UBE2E2: variants seen among roughly 807,000 people sequenced by gnomAD.
UBE2E2 encodes ubiquitin conjugating enzyme E2 E2, also known as ubiquitin-conjugating enzyme E2 E2.
Under a neutral mutation model 24.7 loss-of-function variants are expected in UBE2E2, and 6 were observed. That is an observed-to-expected ratio of 0.24 (90% CI 0.13 to 0.48). UBE2E2 has a LOEUF of 0.48. Among genes scored for constraint, UBE2E2 ranks in the 20% least tolerant of loss-of-function variants. The pLI, the probability that UBE2E2 is intolerant of heterozygous loss-of-function variation, is 0.99. For missense variants in UBE2E2, 169 were observed against 245.0 expected (o/e 0.69, Z 2.07); for synonymous variants, 104 against 83.6 (o/e 1.24, Z -1.33).
chr3:23,434,174 T>G (rs1292725341), intron 3 of UBE2E2, among the ~76,000 whole-genome samples: 1 of 152,116 alleles, frequency 6.6e-6, no homozygotes, highest in Non-Finnish European at 1.5e-5. Context: ...TTATTTTTAT[T>G]ACAGGCTTTA....
At chr3:23,334,470 T>C (rs945873362) in intron 3 of UBE2E2, among the ~76,000 whole-genome samples, 1 of 152,192 alleles carries the variant, frequency 6.6e-6, no homozygotes, top group African/African-American at 2.4e-5. Context: ...AAGATTTTAG[T>C]GTACAAAAAG....
At chr3:23,522,476 T>C (rs1694892120) in intron 4 of UBE2E2, among the ~76,000 whole-genome samples, 1 of 152,226 alleles carries the variant, frequency 6.6e-6, no homozygotes, top group Admixed American at 6.5e-5. Context: ...ATTTCTGTTT[T>C]GCTTTTTTGA....
Position 23,341,505 on chromosome 3 carries a change from C to G in UBE2E2, c.227+124193C>G, listed in dbSNP as rs534841467. ...TTCTAGTTGTGTCTTCACCTAGAAT[C>G]TTCAAGACCACAAGCTAAAGGTTTG... On this transcript the variant is annotated intron_variant, in intron 3 of 5. Transcript: ENST00000396703. Among the ~76,000 whole-genome samples, 202 of 152,272 alleles carry G rather than the reference C, an allele frequency of 1.3e-3. 1 individual carries two copies. The highest frequency in any genetic ancestry group is 2.5e-3 in the Non-Finnish European group (172 of 68,026).
intron 3 of UBE2E2, among the ~76,000 whole-genome samples, chr3:23,293,524 A>G (rs970332382): frequency 1.9e-4 from 29 of 152,232 alleles, no homozygotes; most frequent in Non-Finnish European, 1.3e-4. Flanking sequence ...CTTACGTTAA[A>G]AAAATGAGAG....
chr3:23,348,033 C>G (rs537048993), intron 3 of UBE2E2, among the ~76,000 whole-genome samples: 33 of 151,842 alleles, frequency 2.2e-4, no homozygotes, highest in Non-Finnish European at 3.8e-4. Context: ...TCATAAGCAC[C>G]CTGTAAACAC....
intron 3 of UBE2E2, among the ~76,000 whole-genome samples, chr3:23,351,989 C>G (rs1358274816): frequency 1.3e-5 from 2 of 152,132 alleles, no homozygotes; most frequent in African/African-American, 2.4e-5. Flanking sequence ...GGAAGTAAAG[C>G]TCTCCTCAGC....
At chr3:23,434,624 T>G (rs17013219) in intron 3 of UBE2E2, among the ~76,000 whole-genome samples, 4,396 of 152,228 alleles carry the variant, frequency 0.029, 109 homozygotes, top group East Asian at 0.13. Flanking sequence ...TCTCTGTAAA[T>G]GTACAAATAT....
chr3:23,268,735 G>C (rs1023408057), intron 3 of UBE2E2, among the ~76,000 whole-genome samples: 12 of 148,794 alleles, frequency 8.1e-5, no homozygotes, highest in Non-Finnish European at 1.8e-4. Context: ...AAAAGAGCCC[G>C]CATTGCCAAG....
At chr3:23,441,147 G>A (rs1321042230) in intron 3 of UBE2E2, among the ~76,000 whole-genome samples, 1 of 152,060 alleles carries the variant, frequency 6.6e-6, no homozygotes, top group Non-Finnish European at 1.5e-5. Context: ...GTATTCTGAA[G>A]CATCAGATGA....
intron 3 of UBE2E2, among the ~76,000 whole-genome samples, chr3:23,277,046 G>A (rs1049215834): frequency 1.1e-4 from 17 of 152,040 alleles, no homozygotes; most frequent in African/African-American, 3.6e-4. Flanking sequence ...GATAGTAGAC[G>A]GTGTGACCAT....
chr3:23,343,890 T>G (rs1183404495), intron 3 of UBE2E2, among the ~76,000 whole-genome samples: 3 of 152,220 alleles, frequency 2.0e-5, no homozygotes, highest in Non-Finnish European at 4.4e-5. Context: ...AGTTGTAGTT[T>G]ATTCTTATTG....
chr3:23,282,579 A>G (rs553476446), intron 3 of UBE2E2, among the ~76,000 whole-genome samples: 1 of 152,182 alleles, frequency 6.6e-6, no homozygotes, highest in Non-Finnish European at 1.5e-5. Context: ...GCTTTAGAGT[A>G]ATACTACATT....
chr3:23,340,323 G>C (rs1695345114), intron 3 of UBE2E2, among the ~76,000 whole-genome samples: 1 of 152,014 alleles, frequency 6.6e-6, no homozygotes, highest in Non-Finnish European at 1.5e-5. Flanking sequence ...TTTATAAATT[G>C]GTTATGGAAA....
Position 23,415,820 on chromosome 3 carries a change from G to A in UBE2E2, c.228-83788G>A, listed in dbSNP as rs141113540. Among the ~76,000 whole-genome samples the A allele has an allele frequency of 2.7e-3, 407 of 151,978 alleles. 1 individual carries two copies. The highest frequency in any genetic ancestry group is 8.8e-3 in the African/African-American group (366 of 41,462). ...GCAGGTTTGTTACATAGGTGTACAC[G>A]TGCCATGGTGGTTTGCTGCACCCAT... On this transcript the variant is annotated intron_variant, in intron 3 of 5. Transcript: ENST00000396703.
At chr3:23,225,119 G>C (rs532015828) in intron 3 of UBE2E2, among the ~76,000 whole-genome samples, 1 of 152,056 alleles carries the variant, frequency 6.6e-6, no homozygotes, top group South Asian at 2.1e-4. Flanking sequence ...TTCAAATCCT[G>C]CTCCATTTTT....
intron 3 of UBE2E2, among the ~76,000 whole-genome samples, chr3:23,410,701 C>G (rs1186465352): frequency 6.6e-6 from 1 of 152,014 alleles, no homozygotes; most frequent in East Asian, 1.9e-4. Flanking sequence ...GTCCAGTGTA[C>G]AAAGTGGAGA....
At chr3:23,312,473 G>A in intron 3 of UBE2E2, among the ~76,000 whole-genome samples, 1 of 151,246 alleles carries the variant, frequency 6.6e-6, no homozygotes, top group African/African-American at 2.4e-5. Context: ...ATCAAATACT[G>A]GATTTTTTTT....
intron 3 of UBE2E2, among the ~76,000 whole-genome samples, chr3:23,377,621 CAT>C (rs1324575430): frequency 6.6e-6 from 1 of 152,172 alleles, no homozygotes; most frequent in Non-Finnish European, 1.5e-5. Flanking sequence ...TAGGATCTGG[CAT>C]CGAAAATGTA....
chr3:23,262,487 C>A lies in UBE2E2; in HGVS notation c.227+45175C>A, dbSNP rs540979575. Among the ~76,000 whole-genome samples, 20 of 152,192 alleles carry A rather than the reference C, an allele frequency of 1.3e-4. 1 individual carries two copies. The South Asian group carries it at 4.1e-3, about 32-fold the overall frequency. The stretch of plus-strand genomic sequence containing the variant: ...GTGGAGATGCGGTCTCATTATGTTG[C>A]CTAGGCTGGTCTCAAACTTCTGGCT... On this transcript the variant is annotated intron_variant, in intron 3 of 5. Coordinates refer to ENST00000396703, the MANE Select transcript of UBE2E2 (RefSeq NM_152653.4).
Sources: gnomAD v4.1 joint callset for allele counts (sites outside exome capture counted in the v4.1 genomes callset) on GRCh38, gnomAD v4.1.1 for gene constraint, MANE v1.5 for transcripts, NCBI Gene and HGNC (gene_info 2026-07-23, HGNC 2026-07-21) for gene names.